Variants in TCP11L2 observed in about 807,000 individuals in gnomAD.
TCP11L2 encodes T-complex protein 11-like protein 2.
A neutral mutation model predicts 50.7 loss-of-function variants in TCP11L2; 39 were observed. That is an observed-to-expected ratio of 0.77 (90% CI 0.60 to 1.01). TCP11L2 has a LOEUF of 1.01. TCP11L2 is among the 50% of genes least tolerant of loss of function. The pLI, the probability that TCP11L2 is intolerant of heterozygous loss-of-function variation, is 0.00. For missense variants in TCP11L2, 612 were observed against 614.7 expected, an observed-to-expected ratio of 1.00 and a Z score of 0.05; for synonymous variants, 192 against 219.3, an observed-to-expected ratio of 0.88 and a Z score of 1.10.
intron 4 of TCP11L2, among the ~76,000 whole-genome samples, chr12:106,318,969 T>C (rs543343350): frequency 6.6e-6 from 1 of 152,088 alleles, no homozygotes; most frequent in East Asian, 1.9e-4. Context: ...CGGACTGCAG[T>C]GGCGCAATCT....
At chr12:106,329,489 T>C in intron 6 of TCP11L2, 1 of 1,504,994 alleles carries the variant, frequency 6.6e-7, no homozygotes, top group Non-Finnish European at 8.8e-7. Flanking sequence ...TTACCGGTCA[T>C]TCTCAAGTCT....
chr12:106,338,986 C>G (rs900286926), intron 8 of TCP11L2, among the ~76,000 whole-genome samples: 1 of 152,090 alleles, frequency 6.6e-6, no homozygotes, highest in African/African-American at 2.4e-5. Context: ...ACAAAAAATA[C>G]AAAAAATAAT....
At chr12:106,304,614 A>G (rs566527520) in intron 1 of TCP11L2, among the ~76,000 whole-genome samples, 174 of 152,266 alleles carry the variant, frequency 1.1e-3, no homozygotes, top group African/African-American at 4.1e-3. Context: ...TACTACACAT[A>G]TGTGAAGGCT....
upstream of TCP11L2, among the ~76,000 whole-genome samples, chr12:106,300,486 C>T (rs1425283362): frequency 2.6e-5 from 4 of 152,144 alleles, no homozygotes; most frequent in East Asian, 1.9e-4. Context: ...CGTGCCACCA[C>T]GCCCAGCTAA....
intron 1 of TCP11L2, 57 bp from the exon 2 acceptor site, chr12:106,310,984 G>T: frequency 7.0e-7 from 1 of 1,438,466 alleles, no homozygotes; most frequent in Non-Finnish European, 9.5e-7. Context: ...AAGAAGCATT[G>T]GTGGTGCCTG....
intron 8 of TCP11L2, among the ~76,000 whole-genome samples, chr12:106,337,928 A>G (rs1244352665): frequency 6.6e-6 from 1 of 152,200 alleles, no homozygotes; most frequent in East Asian, 1.9e-4. Flanking sequence ...TAGGAAATCA[A>G]TACAATCAAT....
At chr12:106,340,506 A>ATTGGTGT (rs1446342253) in intron 8 of TCP11L2, among the ~76,000 whole-genome samples, 1 of 152,220 alleles carries the variant, frequency 6.6e-6, no homozygotes, top group South Asian at 2.1e-4. Context: ...TAAGAAGTAA[A>ATTGGTGT]TTGGTGTTTT....
At chr12:106,329,984 A>G (rs995831093) in intron 6 of TCP11L2, 1 of 985,538 alleles carries the variant, frequency 1.0e-6, no homozygotes, top group Non-Finnish European at 1.2e-6. Flanking sequence ...GCTGGGTCCA[A>G]GAAGAATTTC....
At chr12:106,321,422 A>AG in intron 4 of TCP11L2, 64 bp from the exon 5 acceptor site, 1 of 1,392,900 alleles carries the variant, frequency 7.2e-7, no homozygotes, top group Admixed American at 2.0e-5. Context: ...CTAGACACTG[A>AG]GGTGAAAAGT....
At chr12:106,313,940 G>A (rs2034963611) in intron 2 of TCP11L2, among the ~76,000 whole-genome samples, 1 of 151,726 alleles carries the variant, frequency 6.6e-6, no homozygotes, top group African/African-American at 2.4e-5. Context: ...TAATTTTTTT[G>A]TATTTTTAGT....
At chr12:106,316,691 A>G (rs1215443501) in intron 3 of TCP11L2, among the ~76,000 whole-genome samples, 1 of 152,062 alleles carries the variant, frequency 6.6e-6, no homozygotes, top group African/African-American at 2.4e-5. Flanking sequence ...TGTCGTATTC[A>G]TTTTTAATGT....
At chr12:106,329,393 C>G in intron 6 of TCP11L2, 1 of 1,536,036 alleles carries the variant, frequency 6.5e-7, no homozygotes, top group Non-Finnish European at 8.7e-7. Context: ...AGAGAGCAGT[C>G]ACCGTGCCAG....
intron 1 of TCP11L2, among the ~76,000 whole-genome samples, chr12:106,306,931 A>G (rs1532587): frequency 0.39 from 59,784 of 151,998 alleles, 12,482 homozygotes; most frequent in African/African-American, 0.55. Context: ...TATCTTTGCA[A>G]TTCTGAACCA....
chr12:106,343,764 C>G (rs368877454), intron 9 of TCP11L2, among the ~76,000 whole-genome samples: 3 of 151,560 alleles, frequency 2.0e-5, no homozygotes, highest in Non-Finnish European at 4.4e-5. Flanking sequence ...AAGAAGAATA[C>G]TTCTGCCCCA....
chr12:106,340,688 A>G (rs754832931), intron 8 of TCP11L2, 138 bp from the exon 9 acceptor site: 3 of 593,086 alleles, frequency 5.1e-6, no homozygotes, highest in Middle Eastern at 4.6e-4. Context: ...TTACTATTTT[A>G]TGAGTTCATT....
upstream of TCP11L2, among the ~76,000 whole-genome samples, chr12:106,298,190 C>G (rs1378689312): frequency 6.6e-6 from 1 of 152,032 alleles, no homozygotes; most frequent in Admixed American, 6.5e-5. Context: ...AATTAATAGT[C>G]AAAACTGGTC....
At chr12:106,331,742 C>G (rs2136775212) in intron 6 of TCP11L2, among the ~76,000 whole-genome samples, 1 of 152,356 alleles carries the variant, frequency 6.6e-6, no homozygotes, top group South Asian at 2.1e-4. Flanking sequence ...TTGAGACTGC[C>G]TGGCTCAGAG....
chr12:106,346,686 C>A lies in TCP11L2; in HGVS notation c.*156C>A. On this transcript the variant is annotated 3_prime_UTR_variant, in exon 10 of 10. Transcript: ENST00000299045. ...GGTAATATTAGCATTACAGAAGACACACACATCACATAGACCCTCAGAAGA... is the reference window on the plus strand; with the variant it reads ...GGTAATATTAGCATTACAGAAGACAAACACATCACATAGACCCTCAGAAGA... 1.2e-6 allele frequency: 1 copy of A among 840,632 alleles called. No homozygotes were observed. Among genetic ancestry groups the A allele is most frequent in the Non-Finnish European group, 1.8e-6 (1 of 567,702 alleles). The allele number at this position is 840,632 out of a possible 1,614,324, so 52.1% of individuals were successfully genotyped here.
rs1592961647 is a variant in TCP11L2, at chr12:106,327,760, A to G, written c.772+4114A>G. On this transcript the variant is annotated intron_variant, in intron 6 of 9. Transcript: ENST00000299045. Reference sequence around the variant, plus strand: ...GTGTACACATGATTATATAAGAATTATTAGAAAATTAATACAGAGAAGTAC... The same window carrying G: ...GTGTACACATGATTATATAAGAATTGTTAGAAAATTAATACAGAGAAGTAC... Among the ~76,000 whole-genome samples, 3 of 152,350 alleles carry G rather than the reference A, an allele frequency of 2.0e-5. No homozygotes were observed. In the South Asian group the frequency reaches 6.2e-4, roughly 32 times the overall value.
Sources: gnomAD v4.1 joint callset for allele counts (sites outside exome capture counted in the v4.1 genomes callset) on GRCh38, gnomAD v4.1.1 for gene constraint, MANE v1.5 for transcripts, NCBI Gene and HGNC (gene_info 2026-07-23, HGNC 2026-07-21) for gene names.